Variants in CHRNB1 observed in about 807,000 individuals in gnomAD.
CHRNB1 encodes the protein acetylcholine receptor subunit beta.
Under a neutral mutation model 53.8 loss-of-function variants are expected in CHRNB1, and 47 were observed. That is an observed-to-expected ratio of 0.87 (90% CI 0.69 to 1.11). The LOEUF (loss-of-function observed/expected upper bound fraction) is 1.11, where lower values mean the gene tolerates loss of function less well. Ranked by LOEUF, CHRNB1 falls within the 50% of genes most tolerant of loss-of-function variation. The pLI, the probability that CHRNB1 is intolerant of heterozygous loss-of-function variation, is 0.00. For synonymous variants in CHRNB1, 259 were observed against 263.5 expected, an observed-to-expected ratio of 0.98 and a Z score of 0.16; for missense variants, 605 against 654.9, an observed-to-expected ratio of 0.92 and a Z score of 0.83.
chr17:7,447,808 T>A (rs554105193), intron 6 of CHRNB1, among the ~76,000 whole-genome samples, 158 bp downstream of exon 6: 1 of 152,072 alleles, frequency 6.6e-6, no homozygotes, highest in Non-Finnish European at 1.5e-5. Context: ...CCGGGGGCAG[T>A]GGTTCATGCC....
rs1597747660 is a variant in CHRNB1 at position 7,445,730 on chromosome 17, C to T, written c.198+321C>T. 1 of 850,978 alleles carries T rather than the reference C, an allele frequency of 1.2e-6. No individual in the cohort carries two copies. Among genetic ancestry groups the T allele is most frequent in the East Asian group, 2.8e-5 (1 of 35,740 alleles). 52.7% of individuals were successfully genotyped at this position (850,978 alleles called of 1,614,324 possible). ...TGAGTCCTGAGTGCCCAGGGTGGGG[C>T]GGAGCTTGGTGCTCAGGGGTCAATA... On this transcript the variant is annotated intron_variant, in intron 2 of 10. Transcript: ENST00000306071. The surrounding 1 kb of genome is among the most constrained non-coding windows in gnomAD (Gnocchi z 5.7).
In CHRNB1 at chr17:7,446,973, C is replaced by G. The variant is rs774639221; in HGVS notation, c.353+31C>G. On this transcript the variant is annotated intron_variant, in intron 4 of 10. Transcript: ENST00000306071. ...AGAACTTCCAAAGCCCGGGAGGTGGCGCGGGGCCTCGGGGGGCGGGGGGCC... is the reference window on the plus strand; with the variant it reads ...AGAACTTCCAAAGCCCGGGAGGTGGGGCGGGGCCTCGGGGGGCGGGGGGCC... The G allele has an allele frequency of 4.7e-6, 6 of 1,272,896 alleles. No homozygotes were observed. The Admixed American group carries it at 1.1e-4, about 22-fold the overall frequency. 78.9% of individuals were successfully genotyped at this position (1,272,896 alleles called of 1,614,324 possible). A position where few individuals can be genotyped will look rare whatever the true frequency, so the allele number is the denominator to read the frequency against.
rs768877353 is a variant in CHRNB1, at chr17:7,456,725, G to A, written c.*2G>A. 24 of 1,614,058 alleles carry A rather than the reference G, an allele frequency of 1.5e-5. No homozygotes were observed. In the South Asian group the frequency reaches 2.3e-4, roughly 16 times the overall value. On this transcript the variant is annotated 3_prime_UTR_variant, in exon 11 of 11. Transcript: ENST00000306071. Reference sequence around the variant, plus strand: ...CCCCCTCCAGACCCCTTTCCTTGAAGACTGGAGGGTTGAGACCCAGGCCCC... The same window carrying A: ...CCCCCTCCAGACCCCTTTCCTTGAAAACTGGAGGGTTGAGACCCAGGCCCC...
chr17:7,451,350 C>T (rs1411494527), intron 7 of CHRNB1, among the ~76,000 whole-genome samples: 1 of 143,416 alleles, frequency 7.0e-6, no homozygotes, highest in East Asian at 2.0e-4. Context: ...GATCTCGGCT[C>T]ACTGCAACCT....
chr17:7,454,819 T>C (rs1332091817), intron 8 of CHRNB1, among the ~76,000 whole-genome samples: 7 of 124,570 alleles, frequency 5.6e-5, no homozygotes, highest in Non-Finnish European at 1.0e-4. Flanking sequence ...TTTTTTTTTT[T>C]TGAGATGGAG....
chr17:7,451,487 G>GGCTAGTCT (rs1908887758), intron 7 of CHRNB1, among the ~76,000 whole-genome samples: 1 of 151,790 alleles, frequency 6.6e-6, no homozygotes, highest in African/African-American at 2.4e-5. Context: ...CTCCATGTTG[G>GGCTAGTCT]CCAGGCTAGT....
At chr17:7,448,015 C>T (rs923514656) in intron 6 of CHRNB1, among the ~76,000 whole-genome samples, 3 of 116,518 alleles carry the variant, frequency 2.6e-5, no homozygotes, top group Non-Finnish European at 4.9e-5. Context: ...GTGGAGGTTG[C>T]GGTGAGCCGA....
Position 7,445,982 on chromosome 17 carries a change from C to A in CHRNB1, c.199-87C>A. ...GATGGGGCTCAGAAAAAGGGGGCGG[C>A]GTTCCCAGGAGAGAGGTTGGCCCCC... On this transcript the variant is annotated intron_variant, in intron 2 of 10. Transcript: ENST00000306071. The surrounding 1 kb of genome is among the most constrained non-coding windows in gnomAD (Gnocchi z 5.7). 8.5e-7 allele frequency: 1 copy of A among 1,181,444 alleles called. No individual in the cohort carries two copies. The highest frequency in any genetic ancestry group is 1.3e-6 in the Non-Finnish European group (1 of 787,522). 73.2% of individuals were successfully genotyped at this position (1,181,444 alleles called of 1,614,324 possible).
Position 7,445,598 on chromosome 17 carries a change from G to C in CHRNB1, c.198+189G>C. 6.8e-7 allele frequency: 1 copy of C among 1,473,744 alleles called. No homozygotes were observed. The allele number at this position is 1,473,744 out of a possible 1,614,324, so 91.3% of individuals were successfully genotyped here. ...AGCTCTGGCCGTGGGTGGTGGACGG[G>C]CCTGGAGTAGAACTGGGTAGGGTGA... On this transcript the variant is annotated intron_variant, in intron 2 of 10. Transcript: ENST00000306071. This position sits in a 1 kb window ranked among gnomAD's most constrained non-coding sequence, Gnocchi z 5.7.
chr17:7,447,549 G>A lies in CHRNB1; in HGVS notation c.509G>A (p.Ser170Asn). 3 of 1,614,192 alleles carry A rather than the reference G, an allele frequency of 1.9e-6. No homozygotes were observed. The highest frequency in any genetic ancestry group is 2.5e-6 in the Non-Finnish European group (3 of 1,180,040). Reference sequence around the variant, plus strand: ...TGGCAGAATTGCACTATGGTGTTCAGCTCCTACAGCTACGACAGCTCGGAG... The same window carrying A: ...TGGCAGAATTGCACTATGGTGTTCAACTCCTACAGCTACGACAGCTCGGAG... ...FDWQNCTMVF[S>N]SYSYDSSEVS... is the part of the protein sequence containing the mutation. Residue 170 changes from serine to asparagine, a missense_variant, in exon 6 of 11, where the codon AGC (serine) becomes AAC (asparagine). Transcript: ENST00000306071.
intron 7 of CHRNB1, among the ~76,000 whole-genome samples, chr17:7,452,242 G>C (rs1197395285): frequency 6.6e-6 from 1 of 151,940 alleles, no homozygotes; most frequent in Non-Finnish European, 1.5e-5. Context: ...AATTTAAGTA[G>C]AGATGGGGTT....
At chr17:7,450,350 G>A (rs949636840) in intron 7 of CHRNB1, among the ~76,000 whole-genome samples, 1 of 151,918 alleles carries the variant, frequency 6.6e-6, no homozygotes, top group Non-Finnish European at 1.5e-5. Context: ...CACTATGTTG[G>A]CCAGGCTGGT....
chr17:7,446,563 G>A (rs972827107), intron 3 of CHRNB1: 20 of 559,476 alleles, frequency 3.6e-5, no homozygotes, highest in Non-Finnish European at 5.1e-5. Flanking sequence ...ATTGCGAACT[G>A]CAGTTTGAAA....
At chr17:7,448,139 T>G (rs1010731342) in intron 6 of CHRNB1, among the ~76,000 whole-genome samples, 3 of 143,048 alleles carry the variant, frequency 2.1e-5, no homozygotes, top group African/African-American at 7.9e-5. Flanking sequence ...AATCTCAGTA[T>G]TTTGGGAGGT....
intron 8 of CHRNB1, 102 bp from the exon 9 acceptor site, chr17:7,455,182 A>T: frequency 7.8e-7 from 1 of 1,284,166 alleles, no homozygotes; most frequent in Non-Finnish European, 1.1e-6. Flanking sequence ...GCACGCACAT[A>T]CTCACGCGCG....
Position 7,456,694 on chromosome 17 carries a change from C to T in CHRNB1, c.1477C>T (p.His493Tyr). 6.2e-7 allele frequency: 1 copy of T among 1,614,198 alleles called. No individual in the cohort carries two copies. Among genetic ancestry groups the T allele is most frequent in the Non-Finnish European group, 8.5e-7 (1 of 1,180,046 alleles). ...TLVIFLDATY[H>Y]LPPPDPFP ...AGTCATCTTCCTGGACGCCACGTAC[C>T]ACTTGCCCCCTCCAGACCCCTTTCC... Residue 493 changes from histidine (H) to tyrosine (Y), a missense_variant, in exon 11 of 11, where the codon CAC (histidine) becomes TAC (tyrosine). Coordinates refer to ENST00000306071, the MANE Select transcript of CHRNB1 (RefSeq NM_000747.3).
intron 7 of CHRNB1, among the ~76,000 whole-genome samples, chr17:7,450,162 G>A (rs996065240): frequency 1.6e-5 from 2 of 125,324 alleles, no homozygotes; most frequent in African/African-American, 2.9e-5. Context: ...TTTTTTTTTC[G>A]AGACAGAGTT....
At chr17:7,454,570 G>A in intron 8 of CHRNB1, 50 bp downstream of exon 8, 1 of 1,446,186 alleles carries the variant, frequency 6.9e-7, no homozygotes. Flanking sequence ...ACAGACCATA[G>A]GGAGAACTAT....
intron 6 of CHRNB1, among the ~76,000 whole-genome samples, chr17:7,448,197 C>T (rs1250980837): frequency 6.8e-6 from 1 of 147,066 alleles, no homozygotes; most frequent in Admixed American, 6.9e-5. Context: ...CCACCCTGGC[C>T]AACATGGTGA....
Sources: gnomAD v4.1 joint callset for allele counts (sites outside exome capture counted in the v4.1 genomes callset) on GRCh38, gnomAD v4.1.1 for gene constraint, Gnocchi (gnomAD v3.1) non-coding constraint, MANE v1.5 for transcripts, NCBI Gene and HGNC (gene_info 2026-07-23, HGNC 2026-07-21) for gene names.